ARHGEF26: variants seen among roughly 807,000 people sequenced by gnomAD.
ARHGEF26 encodes Rho guanine nucleotide exchange factor (GEF) 26.
Under a neutral mutation model 89.4 loss-of-function variants are expected in ARHGEF26, and 59 were observed. That is an observed-to-expected ratio of 0.66 (90% confidence interval 0.54 to 0.82). The LOEUF is 0.82. Among genes scored for constraint, ARHGEF26 ranks in the 40% least tolerant of loss-of-function variants. The pLI is 0.00. For synonymous variants in ARHGEF26, 500 were observed against 428.4 expected (o/e 1.17, Z -2.06); for missense variants, 1,234 against 1,085.6 (o/e 1.14, Z -1.92).
intron 4 of ARHGEF26, among the ~76,000 whole-genome samples, chr3:154,144,323 T>G (rs146791118): frequency 6.6e-6 from 1 of 152,312 alleles, no homozygotes; most frequent in East Asian, 1.9e-4. Context: ...CGTTCTTTAT[T>G]TGTAAACTAG....
At chr3:154,205,055 T>G (rs1367994256) in intron 9 of ARHGEF26, among the ~76,000 whole-genome samples, 1 of 152,214 alleles carries the variant, frequency 6.6e-6, no homozygotes, top group African/African-American at 2.4e-5. Flanking sequence ...TGATGTTTCT[T>G]TGTTGATTTT....
At chr3:154,212,406 T>A (rs1279656117) in intron 9 of ARHGEF26, among the ~76,000 whole-genome samples, 2 of 152,082 alleles carry the variant, frequency 1.3e-5, no homozygotes, top group African/African-American at 4.8e-5. Context: ...TTTGGAAAAC[T>A]TAAGAGACAG....
At chr3:154,146,376 C>T (rs571687520) in intron 4 of ARHGEF26, among the ~76,000 whole-genome samples, 85 of 152,140 alleles carry the variant, frequency 5.6e-4, no homozygotes, top group African/African-American at 2.0e-3. Context: ...ACCTTCAGAC[C>T]ATAGCACAAG....
intron 6 of ARHGEF26, among the ~76,000 whole-genome samples, chr3:154,159,201 A>G (rs1559868705): frequency 1.3e-5 from 2 of 152,066 alleles, no homozygotes; most frequent in African/African-American, 4.8e-5. Context: ...ACAGTCTTTC[A>G]TTTAATTTTT....
At position 154,255,368 on chromosome 3, in the gene ARHGEF26, A is replaced by C. The variant is rs778681523; in HGVS notation, c.2511A>C (p.Arg837Ser). 1 of 1,613,664 alleles carries C rather than the reference A, an allele frequency of 6.2e-7. No individual in the cohort carries two copies. The highest frequency in any genetic ancestry group is 1.7e-5 in the Admixed American group (1 of 59,956). ...GGGAACGACTACGAGATGGAGAAAG[A>C]GGCTGGTTTCCTATGGAATGTGCCA... The part of the protein sequence containing the change: ...YEGERLRDGE[R>S]GWFPMECAKE... The change falls in exon 15 of 15, where the codon AGA (arginine) becomes AGC (serine). Residue 837 changes from arginine (R) to serine (S), a missense_variant. Transcript: ENST00000465093.
At chr3:154,252,924 A>G (rs1373325403) in intron 12 of ARHGEF26, among the ~76,000 whole-genome samples, 192 bp from the exon 13 acceptor site, 1 of 152,132 alleles carries the variant, frequency 6.6e-6, no homozygotes, top group Non-Finnish European at 1.5e-5. Context: ...TCTTTTGACA[A>G]TGATGACTAG....
Position 154,254,658 on chromosome 3 carries a change from A to G in ARHGEF26, c.2369-62A>G, listed in dbSNP as rs1169016897. The stretch of plus-strand genomic sequence containing the variant: ...AGAGAAAAATAAGTAAGTGTACATT[A>G]TTGGATTGCACATGTTTTTTCTCTG... On this transcript the variant is annotated intron_variant, in intron 13 of 14. Coordinates refer to ENST00000465093, the MANE Select transcript of ARHGEF26 (RefSeq NM_015595.4). 7.0e-6 allele frequency: 9 copies of G among 1,286,286 alleles called. No homozygotes were observed. In the African/African-American group the frequency reaches 7.3e-5, roughly 10 times the overall value. The allele number at this position is 1,286,286 out of a possible 1,614,324, so 79.7% of individuals were successfully genotyped here. A position where few individuals can be genotyped will look rare whatever the true frequency, so the allele number is the denominator to read the frequency against.
rs1460975707 is a variant in ARHGEF26 at position 154,122,002 on chromosome 3, G to A, written c.10G>A (p.Glu4Lys). 6.3e-7 allele frequency: 1 copy of A among 1,591,536 alleles called. No homozygotes were observed. Among genetic ancestry groups the A allele is most frequent in the Middle Eastern group, 1.7e-4 (1 of 5,976 alleles). The change falls in exon 2 of 15, where the codon GAG becomes AAG. Residue 4 changes from glutamate to lysine, a missense_variant. Transcript: ENST00000465093. ...ACTTCGAGGCCCGGCTATGGACGGC[G>A]AGAGCGAGGTGGATTTTTCTAGCAA... MDG[E>K]SEVDFSSNSI... is the part of the protein sequence containing the mutation.
chr3:154,219,590 T>TA (rs956719129), intron 10 of ARHGEF26, among the ~76,000 whole-genome samples: 3,614 of 121,370 alleles, frequency 0.03, 54 homozygotes, highest in Middle Eastern at 0.096. Flanking sequence ...GCAAGACTCT[T>TA]AAAAAAAAAA....
At chr3:154,246,148 AGGT>A (rs1396737194) in intron 12 of ARHGEF26, among the ~76,000 whole-genome samples, 5 of 152,228 alleles carry the variant, frequency 3.3e-5, no homozygotes, top group Admixed American at 6.5e-5. Flanking sequence ...ACTCTAACTT[AGGT>A]GGTGCAGAAA....
intron 9 of ARHGEF26, among the ~76,000 whole-genome samples, chr3:154,205,368 C>T (rs2108220583): frequency 6.6e-6 from 1 of 151,702 alleles, no homozygotes; most frequent in South Asian, 2.1e-4. Context: ...GAGTATCTTT[C>T]TCCATCCTTT....
intron 6 of ARHGEF26, among the ~76,000 whole-genome samples, chr3:154,176,154 C>T (rs964627171): frequency 2.6e-5 from 4 of 152,156 alleles, no homozygotes; most frequent in Non-Finnish European, 4.4e-5. Context: ...GACTATCACC[C>T]TGTGAAAGGA....
intron 11 of ARHGEF26, among the ~76,000 whole-genome samples, chr3:154,234,602 ATTT>A (rs1293268789): frequency 6.6e-6 from 1 of 152,056 alleles, no homozygotes; most frequent in African/African-American, 2.4e-5. Context: ...TAACCCATTA[ATTT>A]TTTTAGAGAT....
intron 4 of ARHGEF26, among the ~76,000 whole-genome samples, chr3:154,142,583 G>T (rs1341576397): frequency 2.0e-5 from 3 of 152,092 alleles, no homozygotes; most frequent in African/African-American, 7.2e-5. Flanking sequence ...ATTCAGAGTC[G>T]CTGTTGTTCT....
intron 9 of ARHGEF26, among the ~76,000 whole-genome samples, chr3:154,200,415 CTA>C (rs1351977372): frequency 9.9e-5 from 15 of 152,098 alleles, no homozygotes; most frequent in African/African-American, 3.4e-4. Flanking sequence ...CTCCACTGGC[CTA>C]TGTGTCTGTT....
chr3:154,149,937 A>C (rs934159915), intron 5 of ARHGEF26, among the ~76,000 whole-genome samples: 7 of 151,930 alleles, frequency 4.6e-5, no homozygotes, highest in African/African-American at 1.4e-4. Context: ...AAAAAAAAAA[A>C]AACAGGTTAA....
chr3:154,225,696 T>C, intron 10 of ARHGEF26, 160 bp from the exon 11 acceptor site: 1 of 613,454 alleles, frequency 1.6e-6, no homozygotes. Flanking sequence ...AAGAATGCAC[T>C]GTACTTCTGT....
chr3:154,144,989 C>T (rs1258542053), intron 4 of ARHGEF26, among the ~76,000 whole-genome samples: 4 of 152,200 alleles, frequency 2.6e-5, no homozygotes, highest in Non-Finnish European at 4.4e-5. Flanking sequence ...CACCACTCCC[C>T]AGAAGGATGA....
At chr3:154,211,099 G>A (rs1715333438) in intron 9 of ARHGEF26, among the ~76,000 whole-genome samples, 1 of 151,852 alleles carries the variant, frequency 6.6e-6, no homozygotes, top group African/African-American at 2.4e-5. Flanking sequence ...CAGAAGGAAG[G>A]GGTCTCTTTT....
Sources: allele counts gnomAD v4.1 joint callset (sites outside exome capture counted in the v4.1 genomes callset), GRCh38; gene constraint gnomAD v4.1.1; transcripts MANE v1.5; gene names NCBI Gene and HGNC (gene_info 2026-07-23, HGNC 2026-07-21).